The following RHOJ variants were observed in gnomAD, a reference collection of about 807,000 sequenced individuals.
RHOJ encodes ras homolog family member J.
In RHOJ, 11 loss-of-function variants were observed where a neutral mutation model predicts 23.4. The ratio of observed to expected loss-of-function variants is 0.47; its 90% CI spans 0.30 to 0.78. The LOEUF is 0.78. Ranked by LOEUF, RHOJ falls within the 30% of genes least tolerant of loss-of-function variation. The pLI, the probability that RHOJ is intolerant of heterozygous loss-of-function variation, is 0.08. For synonymous variants in RHOJ, 102 were observed against 102.7 expected (o/e 0.99, Z 0.04); for missense variants, 254 against 273.4 (o/e 0.93, Z 0.50).
chr14:63,267,285 A>G (rs1474502058), intron 1 of RHOJ, among the ~76,000 whole-genome samples: 1 of 152,220 alleles, frequency 6.6e-6, no homozygotes, highest in Admixed American at 6.5e-5. Context: ...GGAGAGAATG[A>G]CTGAGAAAGC....
intron 1 of RHOJ, among the ~76,000 whole-genome samples, chr14:63,261,576 T>TA (rs1313742671): frequency 6.6e-6 from 1 of 151,174 alleles, no homozygotes; most frequent in African/African-American, 2.4e-5. Flanking sequence ...GGCTACTTGA[T>TA]ACACACCACC....
At chr14:63,276,669 G>C (rs752901323) in intron 2 of RHOJ, among the ~76,000 whole-genome samples, 3 of 152,140 alleles carry the variant, frequency 2.0e-5, no homozygotes, top group Non-Finnish European at 1.5e-5. Context: ...TATCAAAAAC[G>C]ACTCAGCTGG....
intron 1 of RHOJ, among the ~76,000 whole-genome samples, chr14:63,215,622 AGAAGTGACAT>A (rs139885614): frequency 0.024 from 3,606 of 152,256 alleles, 157 homozygotes; most frequent in African/African-American, 0.083. Context: ...CGAAGCTCAG[AGAAGTGACAT>A]GTCCAACATC....
Position 63,269,126 on chromosome 14 carries a change from A to G in RHOJ, c.195A>G (p.Gly65=). The part of the protein sequence containing the change: ...FDHYAVTVTV[G]GKQHLLGLYD... ...CTCCCCTAGTTACTGTGACTGTGGGAGGCAAGCAACACTTGCTCGGACTGT... is the reference window on the plus strand; with the variant it reads ...CTCCCCTAGTTACTGTGACTGTGGGGGGCAAGCAACACTTGCTCGGACTGT... Residue 65 remains glycine, a synonymous_variant, in exon 2 of 5, where the codon GGA becomes GGG. Coordinates refer to ENST00000316754, the MANE Select transcript of RHOJ (RefSeq NM_020663.5). 6.2e-7 allele frequency: 1 copy of G among 1,613,022 alleles called. No homozygotes were observed. The highest frequency in any genetic ancestry group is 8.5e-7 in the Non-Finnish European group (1 of 1,179,102).
At chr14:63,243,880 C>T (rs112467887) in intron 1 of RHOJ, among the ~76,000 whole-genome samples, 88 of 152,118 alleles carry the variant, frequency 5.8e-4, no homozygotes, top group African/African-American at 2.0e-3. Context: ...CACTCTCTTC[C>T]AAGGCAAGCA....
intron 1 of RHOJ, among the ~76,000 whole-genome samples, chr14:63,255,789 C>T (rs942461999): frequency 2.6e-5 from 4 of 152,190 alleles, no homozygotes; most frequent in Non-Finnish European, 5.9e-5. Flanking sequence ...AGAATGCCAA[C>T]TCTACCATGA....
At chr14:63,211,423 C>T (rs116018434) in intron 1 of RHOJ, among the ~76,000 whole-genome samples, 5,251 of 152,136 alleles carry the variant, frequency 0.035, 112 homozygotes, top group East Asian at 0.077. Flanking sequence ...CATGATCATG[C>T]GACTGCACTC....
intron 1 of RHOJ, among the ~76,000 whole-genome samples, chr14:63,256,990 T>C (rs1363082367): frequency 6.6e-6 from 1 of 151,688 alleles, no homozygotes; most frequent in African/African-American, 2.4e-5. Flanking sequence ...GAGAATCACT[T>C]GAACCCGGGA....
chr14:63,216,035 G>T lies in RHOJ; in HGVS notation c.178+10988G>T, dbSNP rs142186664. ...TATTTTATCCTCCCACATGCTGAAA[G>T]GATATATTGTAAGCACCATGAGCAT... On this transcript the variant is annotated intron_variant, in intron 1 of 4. Coordinates refer to ENST00000316754, the MANE Select transcript of RHOJ (RefSeq NM_020663.5). 3.3e-5 allele frequency among the ~76,000 whole-genome samples: 5 copies of T among 152,250 alleles called. No homozygotes were observed. In the East Asian group the frequency reaches 7.7e-4, roughly 24 times the overall value.
chr14:63,235,574 T>C (rs1566613266), intron 1 of RHOJ, among the ~76,000 whole-genome samples: 2 of 152,198 alleles, frequency 1.3e-5, no homozygotes, highest in Admixed American at 1.3e-4. Context: ...TGGGAAATGG[T>C]TAACACTGCT....
intron 1 of RHOJ, among the ~76,000 whole-genome samples, chr14:63,210,196 G>A (rs915759659): frequency 6.6e-5 from 10 of 151,860 alleles, no homozygotes; most frequent in South Asian, 2.1e-4. Flanking sequence ...TCTTGACCTC[G>A]TGATCTGCCC....
At chr14:63,256,215 C>T (rs570571989) in intron 1 of RHOJ, among the ~76,000 whole-genome samples, 12 of 152,272 alleles carry the variant, frequency 7.9e-5, no homozygotes, top group African/African-American at 2.9e-4. Flanking sequence ...ATTCCTCAAC[C>T]ACATGCTTCC....
chr14:63,267,324 C>A (rs941323954), intron 1 of RHOJ, among the ~76,000 whole-genome samples: 1 of 152,326 alleles, frequency 6.6e-6, no homozygotes, highest in South Asian at 2.1e-4. Context: ...CACTCCAGGG[C>A]TCCCATAACA....
At chr14:63,290,143 T>C (rs1001783730) in intron 4 of RHOJ, among the ~76,000 whole-genome samples, 2 of 152,150 alleles carry the variant, frequency 1.3e-5, no homozygotes, top group African/African-American at 4.8e-5. Context: ...CTTGAGACGC[T>C]GAGGCAGGAG....
rs145531935 is a variant in RHOJ, at chr14:63,291,226, G to A, written c.*202G>A. ...ACCTCCCTGCCAGCCAGAAGCATCC[G>A]TACTGCACGCTGTCTGAGAATGCTG... On this transcript the variant is annotated 3_prime_UTR_variant, in exon 5 of 5. Transcript: ENST00000316754. 1.3e-4 allele frequency: 78 copies of A among 614,250 alleles called. No homozygotes were observed. The Middle Eastern group carries it at 2.0e-3, about 16-fold the overall frequency. 38.0% of individuals were successfully genotyped at this position (614,250 alleles called of 1,614,324 possible). A position where few individuals can be genotyped will look rare whatever the true frequency, so the allele number is the denominator to read the frequency against.
intron 4 of RHOJ, among the ~76,000 whole-genome samples, chr14:63,289,830 T>C (rs1441949572): frequency 1.3e-5 from 2 of 152,258 alleles, no homozygotes; most frequent in Admixed American, 1.3e-4. Flanking sequence ...ATATAGACTG[T>C]ACACTGACAG....
chr14:63,240,904 C>T (rs1158582864), intron 1 of RHOJ, among the ~76,000 whole-genome samples: 3 of 152,146 alleles, frequency 2.0e-5, no homozygotes, highest in African/African-American at 4.8e-5. Context: ...TTCCATGAAA[C>T]GGCAACTCAC....
In RHOJ at chr14:63,291,360, A is replaced by C; in HGVS notation, c.*336A>C. The C allele has an allele frequency of 3.1e-6, 1 of 325,330 alleles. No individual in the cohort carries two copies. The highest frequency in any genetic ancestry group is 5.9e-6 in the Non-Finnish European group (1 of 170,488). 20.2% of individuals were successfully genotyped at this position (325,330 alleles called of 1,614,324 possible). On this transcript the variant is annotated 3_prime_UTR_variant, in exon 5 of 5. Transcript: ENST00000316754. The stretch of plus-strand genomic sequence containing the variant: ...ATGAACGTGAAGCTGATAGGAAATC[A>C]CCCCAGGGAACCCGAAAAAGAAACT...
At chr14:63,235,706 TA>T (rs1165252119) in intron 1 of RHOJ, among the ~76,000 whole-genome samples, 1 of 152,224 alleles carries the variant, frequency 6.6e-6, no homozygotes. Flanking sequence ...CTTAAAATAA[TA>T]ACTGTCCCTT....
Sources: allele counts gnomAD v4.1 joint callset (sites outside exome capture counted in the v4.1 genomes callset), GRCh38; gene constraint gnomAD v4.1.1; transcripts MANE v1.5; gene names NCBI Gene and HGNC (gene_info 2026-07-23, HGNC 2026-07-21).